The following TBXAS1 variants were observed in gnomAD, a reference collection of about 807,000 sequenced individuals.
TBXAS1 encodes the protein thromboxane-A synthase.
TBXAS1 carries 48 observed loss-of-function variants against 60.7 expected under a neutral mutation model. That is an observed-to-expected ratio of 0.79 (90% confidence interval 0.63 to 1.01). TBXAS1 has a LOEUF of 1.01. Among genes scored for constraint, TBXAS1 ranks in the 50% least tolerant of loss-of-function variants. TBXAS1 has a pLI of 0.00. For missense variants in TBXAS1, 685 were observed against 686.3 expected, an observed-to-expected ratio of 1.00 and a Z score of 0.02; for synonymous variants, 287 against 269.7, an observed-to-expected ratio of 1.06 and a Z score of -0.63.
intron 3 of TBXAS1, among the ~76,000 whole-genome samples, chr7:139,876,799 A>C (rs1202132506): frequency 1.3e-5 from 2 of 152,210 alleles, no homozygotes; most frequent in Non-Finnish European, 2.9e-5. Flanking sequence ...GACATAAGCA[A>C]CAATTTATGA....
At chr7:139,957,488 C>G (rs890196363) in intron 7 of TBXAS1, 146 bp from the exon 8 acceptor site, 3 of 1,017,846 alleles carry the variant, frequency 2.9e-6, no homozygotes, top group Non-Finnish European at 4.5e-6. Context: ...CACCCCTGCT[C>G]TCAGAAGCAG....
intron 4 of TBXAS1, among the ~76,000 whole-genome samples, chr7:139,803,512 G>A (rs1797770883): frequency 6.6e-6 from 1 of 152,238 alleles, no homozygotes; most frequent in Admixed American, 6.5e-5. Flanking sequence ...CAAGCCTGCT[G>A]CAGAAATTTG....
At chr7:139,978,501 C>T (rs1811717216) in intron 9 of TBXAS1, among the ~76,000 whole-genome samples, 1 of 150,162 alleles carries the variant, frequency 6.7e-6, no homozygotes. Context: ...CAGAGTGAGA[C>T]TCTGTCTCAA....
chr7:139,867,753 G>T (rs1801526904), intron 1 of TBXAS1, among the ~76,000 whole-genome samples: 1 of 152,112 alleles, frequency 6.6e-6, no homozygotes, highest in East Asian at 1.9e-4. Context: ...GGAAGAGGAG[G>T]TTGCAGTGAA....
At chr7:139,959,826 G>C (rs144977544) in intron 8 of TBXAS1, among the ~76,000 whole-genome samples, 97 of 152,278 alleles carry the variant, frequency 6.4e-4, no homozygotes, top group Middle Eastern at 6.8e-3. Flanking sequence ...GAGAGGTCTG[G>C]GGGTGCTCTG....
chr7:139,967,971 C>T (rs1365314496), intron 9 of TBXAS1, among the ~76,000 whole-genome samples: 1 of 152,240 alleles, frequency 6.6e-6, no homozygotes, highest in African/African-American at 2.4e-5. Context: ...TGCAAATCAT[C>T]CCAAGTTCCC....
chr7:139,865,650 AGAGGAGGAGGAGGAAGAG>A (rs1801311327), intron 1 of TBXAS1, among the ~76,000 whole-genome samples: 1 of 15,990 alleles, frequency 6.3e-5, no homozygotes, highest in Non-Finnish European at 1.2e-4. Flanking sequence ...AGGAGGAGGA[AGAGGAGGAGGAGGAAGAG>A]GAGGAGGAGG....
intron 8 of TBXAS1, among the ~76,000 whole-genome samples, chr7:139,961,555 T>C (rs1810341233): frequency 6.6e-6 from 1 of 152,216 alleles, no homozygotes; most frequent in Admixed American, 6.5e-5. Context: ...ATTTAGTACA[T>C]TTGCTGTTTT....
At chr7:139,929,323 T>G (rs1261120602) in intron 4 of TBXAS1, among the ~76,000 whole-genome samples, 1 of 152,184 alleles carries the variant, frequency 6.6e-6, no homozygotes, top group Non-Finnish European at 1.5e-5. Flanking sequence ...TGCTGTTCTG[T>G]CGTTCCCCTA....
At chr7:139,803,136 C>T (rs193212371) in intron 4 of TBXAS1, among the ~76,000 whole-genome samples, 298 of 152,212 alleles carry the variant, frequency 2.0e-3, no homozygotes, top group African/African-American at 6.7e-3. Flanking sequence ...AAGGCTCAGA[C>T]GAAGACAGGA....
rs1798562470 is a variant in TBXAS1 at position 139,829,414 on chromosome 7, A to G, written c.24A>G (p.Lys8=). Residue 8 remains lysine, a synonymous_variant, in exon 1 of 13, where the codon AAA becomes AAG. Coordinates refer to ENST00000448866, the MANE Select transcript of TBXAS1 (RefSeq NM_001061.7). ...TGATGGAAGCCTTGGGGTTTCTAAA[A>G]TTGGAAGTGAATGGCCCCATGGTGA... MEALGFL[K]LEVNGPMVTV... The G allele has an allele frequency of 6.2e-7, 1 of 1,613,790 alleles. No homozygotes were observed. Among genetic ancestry groups the G allele is most frequent in the South Asian group, 1.1e-5 (1 of 90,990 alleles).
Position 140,002,611 on chromosome 7 carries a change from A to T in TBXAS1, c.1135-4480A>T, listed in dbSNP as rs1295540670. The stretch of plus-strand genomic sequence containing the variant: ...GTTGTCTCGCTGGTTCGACTAAGAC[A>T]TGGAGGTGTGTGCGTCCTTCTGCCT... On this transcript the variant is annotated intron_variant, in intron 9 of 12. Coordinates refer to ENST00000448866, the MANE Select transcript of TBXAS1 (RefSeq NM_001061.7). 1.3e-5 allele frequency among the ~76,000 whole-genome samples: 2 copies of T among 152,134 alleles called. 1 individual carries two copies. Among genetic ancestry groups the T allele is most frequent in the South Asian group, 4.2e-4 (2 of 4,818 alleles).
chr7:139,805,694 C>CTT (rs1398617662), intron 4 of TBXAS1, among the ~76,000 whole-genome samples: 1 of 30,820 alleles, frequency 3.2e-5, no homozygotes, highest in African/African-American at 1.5e-4. Context: ...TTCTTTCTTT[C>CTT]TTTCTTTCTT....
intron 10 of TBXAS1, 57 bp from the exon 11 acceptor site, chr7:140,015,666 C>A: frequency 1.2e-6 from 2 of 1,603,192 alleles, no homozygotes; most frequent in African/African-American, 1.3e-5. Context: ...CAGCACGCCC[C>A]AAGCTCTGCT....
chr7:139,984,135 C>G (rs1812163186), intron 9 of TBXAS1, among the ~76,000 whole-genome samples: 1 of 152,214 alleles, frequency 6.6e-6, no homozygotes, highest in Non-Finnish European at 1.5e-5. Context: ...GCCATGTGGC[C>G]CTGGGGCATG....
chr7:139,913,278 C>G (rs1028498023), intron 4 of TBXAS1: 20 of 620,574 alleles, frequency 3.2e-5, no homozygotes, highest in Non-Finnish European at 5.3e-5. Context: ...TGTCAAGAAA[C>G]TGATTCTGAT....
chr7:139,800,266 T>C (rs188321021), intron 4 of TBXAS1, among the ~76,000 whole-genome samples: 180 of 152,214 alleles, frequency 1.2e-3, no homozygotes, highest in African/African-American at 4.0e-3. Context: ...TAGGGTAAAA[T>C]CCAAGATCCT....
chr7:139,837,905 G>GT (rs1470256879), intron 1 of TBXAS1, among the ~76,000 whole-genome samples: 1 of 152,190 alleles, frequency 6.6e-6, no homozygotes, highest in Admixed American at 6.5e-5. Context: ...TTCTCTAAGG[G>GT]TGAGGGCCAG....
At position 139,904,997 on chromosome 7, in the gene TBXAS1, C is replaced by CTTTT. The variant is rs1292195756; in HGVS notation, c.237-6227_237-6226insTTTT. ...CCTTTCTTTCTCTTTCTCTCTTTCT[C>CTTTT]TCTTTCTCTCTTTCTTTCTTTCTTT... On this transcript the variant is annotated intron_variant, in intron 3 of 12. Coordinates refer to ENST00000448866, the MANE Select transcript of TBXAS1 (RefSeq NM_001061.7). Among the ~76,000 whole-genome samples the CTTTT allele has an allele frequency of 2.3e-3, 215 of 93,160 alleles. 3 individuals carry two copies. The highest frequency in any genetic ancestry group is 0.013 in the South Asian group (32 of 2,558). The allele number at this position is 93,160 out of a possible 152,430, so 61.1% of individuals were successfully genotyped here.
Sources: allele counts gnomAD v4.1 joint callset (sites outside exome capture counted in the v4.1 genomes callset), GRCh38; gene constraint gnomAD v4.1.1; transcripts MANE v1.5; gene names NCBI Gene and HGNC (gene_info 2026-07-23, HGNC 2026-07-21).